LPP: variants seen among roughly 807,000 people sequenced by gnomAD.
LPP encodes the protein lipoma-preferred partner.
LPP carries 38 observed loss-of-function variants against 60.4 expected under a neutral mutation model. The observed-to-expected ratio is 0.63, with a 90% CI of 0.49 to 0.83. LPP has a LOEUF of 0.83. Among genes scored for constraint, LPP ranks in the 40% least tolerant of loss-of-function variants. The pLI is 0.00. For synonymous variants in LPP, 328 were observed against 290.8 expected (o/e 1.13, Z -1.30); for missense variants, 902 against 783.6 (o/e 1.15, Z -1.80).
intron 2 of LPP, among the ~76,000 whole-genome samples, chr3:188,318,750 A>ATTTTTTTTTT (rs1578073052): frequency 8.3e-6 from 1 of 120,512 alleles, no homozygotes; most frequent in East Asian, 2.8e-4. Flanking sequence ...AAAAATTATG[A>ATTTTTTTTTT]TTCTTTTTTT....
intron 6 of LPP, among the ~76,000 whole-genome samples, chr3:188,544,553 G>A (rs944753953): frequency 1.1e-4 from 16 of 146,376 alleles, no homozygotes; most frequent in Non-Finnish European, 2.4e-4. Flanking sequence ...ACCACTATGA[G>A]ATATCATCTC....
At chr3:188,522,833 ATG>A (rs1819330746) in intron 5 of LPP, among the ~76,000 whole-genome samples, 2 of 132,274 alleles carry the variant, frequency 1.5e-5, no homozygotes, top group African/African-American at 5.6e-5. Flanking sequence ...GTGTGTGTGT[ATG>A]TGTGTGTACG....
rs183701091 is a variant in LPP at position 188,540,617 on chromosome 3, A to G, written c.429+15830A>G. Among the ~76,000 whole-genome samples, 6 of 152,322 alleles carry G rather than the reference A, an allele frequency of 3.9e-5. No homozygotes were observed. In the East Asian group the frequency reaches 5.8e-4, roughly 15 times the overall value. On this transcript the variant is annotated intron_variant, in intron 6 of 11. Coordinates refer to ENST00000617246, the MANE Select transcript of LPP (RefSeq NM_001375462.1). ...TTTGTGCCTCAGTTCTTTTATCTCTATAATGAAGACCATTATAGTATCTAT... is the reference window on the plus strand; with the variant it reads ...TTTGTGCCTCAGTTCTTTTATCTCTGTAATGAAGACCATTATAGTATCTAT...
chr3:188,789,300 T>C (rs993866589), intron 9 of LPP, among the ~76,000 whole-genome samples: 1 of 152,184 alleles, frequency 6.6e-6, no homozygotes. Flanking sequence ...GTTGTTGTTG[T>C]TGTTGAACGG....
chr3:188,697,924 G>C (rs1055725984), intron 7 of LPP, among the ~76,000 whole-genome samples: 1 of 146,736 alleles, frequency 6.8e-6, no homozygotes, highest in African/African-American at 2.8e-5. Context: ...GACAATCCAA[G>C]TATCTAAAAT....
chr3:188,788,476 T>TC (rs1247018277), intron 9 of LPP, among the ~76,000 whole-genome samples: 1 of 152,218 alleles, frequency 6.6e-6, no homozygotes, highest in African/African-American at 2.4e-5. Context: ...TGCCTTATCC[T>TC]CCCCATCATC....
intron 9 of LPP, among the ~76,000 whole-genome samples, chr3:188,828,614 CAAAA>C (rs71169022): frequency 6.2e-3 from 194 of 31,332 alleles, no homozygotes; most frequent in African/African-American, 0.025. Flanking sequence ...AACTCTGTCT[CAAAA>C]AAAAAAAAAA....
At chr3:188,330,764 C>T (rs547482740) in intron 2 of LPP, among the ~76,000 whole-genome samples, 189 of 152,020 alleles carry the variant, frequency 1.2e-3, no homozygotes, top group Admixed American at 1.6e-3. Context: ...TGCAGTGAGC[C>T]GAGATCGTGC....
At chr3:188,334,911 C>T (rs1362482135) in intron 2 of LPP, among the ~76,000 whole-genome samples, 1 of 152,090 alleles carries the variant, frequency 6.6e-6, no homozygotes, top group Admixed American at 6.5e-5. Context: ...CTCATGGTGG[C>T]TCCATTTTCT....
chr3:188,812,792 T>C (rs970245622), intron 9 of LPP, among the ~76,000 whole-genome samples: 4 of 151,924 alleles, frequency 2.6e-5, no homozygotes, highest in Non-Finnish European at 5.9e-5. Context: ...TCTCTCTCTC[T>C]CTCGCTGCAG....
chr3:188,706,762 T>C (rs1865557586), intron 7 of LPP, among the ~76,000 whole-genome samples: 1 of 152,204 alleles, frequency 6.6e-6, no homozygotes, highest in South Asian at 2.1e-4. Flanking sequence ...TTGAACTTAC[T>C]CTTGTAAACA....
chr3:188,618,483 C>T (rs747612361), intron 7 of LPP, among the ~76,000 whole-genome samples: 26 of 152,178 alleles, frequency 1.7e-4, no homozygotes, highest in Non-Finnish European at 3.2e-4. Flanking sequence ...GAACTGACGT[C>T]GCCTCACTGC....
intron 7 of LPP, among the ~76,000 whole-genome samples, chr3:188,648,698 T>C (rs1012535633): frequency 1.3e-5 from 2 of 152,204 alleles, no homozygotes; most frequent in African/African-American, 2.4e-5. Flanking sequence ...GGTATTTGTT[T>C]CCAGTGTTCC....
intron 4 of LPP, among the ~76,000 whole-genome samples, chr3:188,421,222 G>A (rs1029327569): frequency 5.3e-5 from 8 of 151,994 alleles, no homozygotes; most frequent in African/African-American, 1.7e-4. Flanking sequence ...TTTCTTTTAC[G>A]TGAATTTAAA....
At chr3:188,272,384 A>G (rs1341339146) in intron 2 of LPP, among the ~76,000 whole-genome samples, 1 of 152,234 alleles carries the variant, frequency 6.6e-6, no homozygotes, top group Non-Finnish European at 1.5e-5. Context: ...GAACAAAAAC[A>G]GAATCCTCTT....
At chr3:188,432,645 G>T (rs1244891935) in intron 4 of LPP, among the ~76,000 whole-genome samples, 1 of 151,772 alleles carries the variant, frequency 6.6e-6, no homozygotes. Context: ...TGAATGTCTT[G>T]CTGGTTCTTC....
At chr3:188,794,860 G>A (rs985181471) in intron 9 of LPP, among the ~76,000 whole-genome samples, 1 of 152,162 alleles carries the variant, frequency 6.6e-6, no homozygotes, top group Non-Finnish European at 1.5e-5. Flanking sequence ...ATTTGAGGCC[G>A]GGTGCGGAGG....
chr3:188,769,506 T>A (rs938927627), intron 9 of LPP, among the ~76,000 whole-genome samples: 3 of 152,228 alleles, frequency 2.0e-5, no homozygotes, highest in African/African-American at 7.2e-5. Context: ...CATAACCCTT[T>A]CTTCCCAGTT....
chr3:188,232,294 T>C (rs1720291809), intron 2 of LPP, among the ~76,000 whole-genome samples: 1 of 152,118 alleles, frequency 6.6e-6, no homozygotes. Flanking sequence ...ACGTGAATTC[T>C]ACTACCTGCT....
Sources: gnomAD v4.1 joint callset for allele counts (sites outside exome capture counted in the v4.1 genomes callset) on GRCh38, gnomAD v4.1.1 for gene constraint, MANE v1.5 for transcripts, NCBI Gene and HGNC (gene_info 2026-07-23, HGNC 2026-07-21) for gene names.